Variants in ABCA12 observed in about 807,000 individuals in gnomAD.
ABCA12 encodes the protein ATP binding cassette subfamily A member 12.
A neutral mutation model predicts 293.5 loss-of-function variants in ABCA12; 156 were observed. That is an observed-to-expected ratio of 0.53 (90% CI 0.47 to 0.61). The LOEUF (loss-of-function observed/expected upper bound fraction) is 0.61. Among genes scored for constraint, ABCA12 ranks in the 20% least tolerant of loss-of-function variants. The pLI, the probability that ABCA12 is intolerant of heterozygous loss-of-function variation, is 0.00. For synonymous variants in ABCA12, 1,063 were observed against 1,108.0 expected (o/e 0.96, Z 0.81); for missense variants, 2,797 against 3,090.2 (o/e 0.91, Z 2.25).
intron 48 of ABCA12, among the ~76,000 whole-genome samples, chr2:214,945,737 TAAAC>T (rs1333733424): frequency 1.3e-5 from 2 of 152,184 alleles, no homozygotes; most frequent in South Asian, 2.1e-4. Context: ...GACAGATGGT[TAAAC>T]AAACTATAGG....
At chr2:214,989,054 C>CT in intron 26 of ABCA12, among the ~76,000 whole-genome samples, 1 of 149,662 alleles carries the variant, frequency 6.7e-6, no homozygotes, top group East Asian at 2.0e-4. Flanking sequence ...TGGCACGTGC[C>CT]TATAATCCCA....
intron 11 of ABCA12, among the ~76,000 whole-genome samples, chr2:215,021,425 A>G (rs1315749700): frequency 6.6e-6 from 1 of 152,194 alleles, no homozygotes; most frequent in Non-Finnish European, 1.5e-5. Flanking sequence ...ATAATTTCCT[A>G]TCCTGTCAAT....
chr2:215,051,296 T>C (rs966161475), intron 5 of ABCA12, among the ~76,000 whole-genome samples: 2 of 152,164 alleles, frequency 1.3e-5, no homozygotes, highest in East Asian at 1.9e-4. Context: ...TCAAATATTA[T>C]GTAAACTAGA....
At chr2:215,086,324 A>G (rs1222031116) in intron 2 of ABCA12, among the ~76,000 whole-genome samples, 2 of 152,212 alleles carry the variant, frequency 1.3e-5, no homozygotes, top group Non-Finnish European at 2.9e-5. Context: ...CAAATCAGGA[A>G]TACACAGACC....
chr2:214,977,882 T>C (rs1197187062), intron 33 of ABCA12, among the ~76,000 whole-genome samples: 1 of 146,542 alleles, frequency 6.8e-6, no homozygotes, highest in Non-Finnish European at 1.5e-5. Context: ...TTTTTTTCCT[T>C]TTTTTTTTTT....
chr2:214,980,587 G>C lies in ABCA12; in HGVS notation c.4636C>G (p.Arg1546Gly). Reference protein sequence around the residue: ...HLDEAEVLSDRIAFLEQGGLR... With the variant: ...HLDEAEVLSDGIAFLEQGGLR... ...CCACCCTGCTCCAGGAAGGCGATGCGGTCACTCAGCACTTCAGCCTCGTCC... is the reference window on the plus strand; with the variant it reads ...CCACCCTGCTCCAGGAAGGCGATGCCGTCACTCAGCACTTCAGCCTCGTCC... Residue 1546 changes from arginine to glycine, a missense_variant, in exon 31 of 53, where the codon CGC becomes GGC. Arg to Gly is a moderately radical substitution (Grantham distance 125, BLOSUM62 -2). Coordinates refer to ENST00000272895, the MANE Select transcript of ABCA12 (RefSeq NM_173076.3). 6.2e-7 allele frequency: 1 copy of C among 1,613,988 alleles called. No homozygotes were observed. The highest frequency in any genetic ancestry group is 8.5e-7 in the Non-Finnish European group (1 of 1,179,984).
intron 25 of ABCA12, 37 bp from the exon 26 acceptor site, chr2:214,989,500 A>T: frequency 6.2e-7 from 1 of 1,613,934 alleles, no homozygotes; most frequent in Non-Finnish European, 8.5e-7. Context: ...CTTCTGTGAC[A>T]CACAGCACAG....
intron 2 of ABCA12, among the ~76,000 whole-genome samples, chr2:215,086,332 A>C (rs1266970605): frequency 6.6e-6 from 1 of 152,210 alleles, no homozygotes; most frequent in East Asian, 1.9e-4. Context: ...GAATACACAG[A>C]CCAGGGATAC....
chr2:215,006,840 AT>A (rs1427930219), intron 19 of ABCA12, among the ~76,000 whole-genome samples: 1 of 102,914 alleles, frequency 9.7e-6, no homozygotes, highest in Non-Finnish European at 2.2e-5. Context: ...TCCCCACATT[AT>A]TTGCATCATC....
intron 14 of ABCA12, chr2:215,017,704 G>A (rs1356745757): frequency 7.0e-6 from 2 of 287,316 alleles, no homozygotes; most frequent in South Asian, 4.1e-5. Context: ...GCAGTGGTGC[G>A]ATCTCAGCTC....
At chr2:214,977,361 A>G (rs1002095488) in intron 33 of ABCA12, among the ~76,000 whole-genome samples, 4 of 152,218 alleles carry the variant, frequency 2.6e-5, no homozygotes, top group African/African-American at 9.6e-5. Flanking sequence ...GGCCACAATT[A>G]TATTCCCCAA....
intron 2 of ABCA12, among the ~76,000 whole-genome samples, chr2:215,101,154 A>C (rs1489849071): frequency 6.6e-6 from 1 of 152,226 alleles, no homozygotes; most frequent in African/African-American, 2.4e-5. Flanking sequence ...GCTGGCAGCC[A>C]CTGAAAGCCT....
In ABCA12 at chr2:215,013,901, C is replaced by A. The variant is rs139636914; in HGVS notation, c.1956+1589G>T. Among the ~76,000 whole-genome samples, 529 of 152,226 alleles carry A rather than the reference C, an allele frequency of 3.5e-3. 14 individuals are homozygous for A. The highest frequency in any genetic ancestry group is 0.033 in the Admixed American group (510 of 15,292). On this transcript the variant is annotated intron_variant, in intron 15 of 52. Coordinates refer to ENST00000272895, the MANE Select transcript of ABCA12 (RefSeq NM_173076.3). ...ACGGCAAATACATTTTAAAAATGGG[C>A]GAAGCACGATGGCTCACTCCTGTAA... is the stretch of plus-strand genomic sequence containing the variant.
At chr2:215,105,104 T>G (rs1702437300) in intron 2 of ABCA12, among the ~76,000 whole-genome samples, 1 of 152,198 alleles carries the variant, frequency 6.6e-6, no homozygotes, top group Non-Finnish European at 1.5e-5. Flanking sequence ...TGTTCCCTGT[T>G]AGGAACCATG....
At chr2:215,078,102 A>G (rs1701867626) in intron 2 of ABCA12, among the ~76,000 whole-genome samples, 1 of 152,244 alleles carries the variant, frequency 6.6e-6, no homozygotes, top group East Asian at 1.9e-4. Flanking sequence ...TGAATTCCCA[A>G]GATCTCTCTT....
chr2:214,995,678 G>A (rs75333231), intron 23 of ABCA12, among the ~76,000 whole-genome samples: 4 of 151,986 alleles, frequency 2.6e-5, no homozygotes, highest in African/African-American at 2.4e-5. Context: ...CTCCTTCCAC[G>A]CTCACCTCCA....
At chr2:214,953,750 T>C in intron 44 of ABCA12, 104 bp downstream of exon 44, 1 of 1,431,100 alleles carries the variant, frequency 7.0e-7, no homozygotes, top group South Asian at 1.3e-5. Context: ...GAGCCAAACA[T>C]TTCCATATTA....
At chr2:215,011,799 C>T (rs1700380442) in intron 16 of ABCA12, 150 bp from the exon 17 acceptor site, 5 of 1,139,270 alleles carry the variant, frequency 4.4e-6, no homozygotes, top group Middle Eastern at 2.0e-4. Flanking sequence ...AAATGAAGAA[C>T]AATAAACTTC....
intron 11 of ABCA12, chr2:215,022,761 G>A (rs1666641951): frequency 6.6e-6 from 1 of 151,940 alleles, no homozygotes. Flanking sequence ...CAATAGCAAT[G>A]GGCATAAAAT....
Sources: allele counts gnomAD v4.1 joint callset (sites outside exome capture counted in the v4.1 genomes callset), GRCh38; gene constraint gnomAD v4.1.1; transcripts MANE v1.5; gene names NCBI Gene and HGNC (gene_info 2026-07-23, HGNC 2026-07-21).